The following PRRX1 variants were observed in gnomAD, a reference collection of about 807,000 sequenced individuals.
PRRX1 encodes the protein paired related homeobox 1, also known as paired mesoderm homeobox protein 1.
In PRRX1, 8 loss-of-function variants were observed where a neutral mutation model predicts 24.0. The observed-to-expected ratio is 0.33, with a 90% CI of 0.20 to 0.60. The LOEUF is 0.60. PRRX1 is among the 20% of genes least tolerant of loss of function. PRRX1 has a pLI of 0.82. For synonymous variants in PRRX1, 160 were observed against 131.7 expected (o/e 1.22, Z -1.47); for missense variants, 281 against 322.4 (o/e 0.87, Z 0.98).
intron 3 of PRRX1, chr1:170,728,089 T>A (rs1655313216): frequency 6.6e-6 from 1 of 152,210 alleles, no homozygotes; most frequent in Non-Finnish European, 1.5e-5. Context: ...CCCCTTTTTC[T>A]GTCTGGGTCC....
chr1:170,684,031 T>C (rs192178333), intron 1 of PRRX1, among the ~76,000 whole-genome samples: 1 of 152,330 alleles, frequency 6.6e-6, no homozygotes, highest in East Asian at 1.9e-4. Flanking sequence ...ATTAAAGAAG[T>C]GAATGGCATG....
intron 1 of PRRX1, among the ~76,000 whole-genome samples, chr1:170,666,534 A>T (rs536112396): frequency 6.6e-6 from 1 of 151,910 alleles, no homozygotes; most frequent in Non-Finnish European, 1.5e-5. Context: ...TAATTGCAAC[A>T]TTTACCACTG....
At chr1:170,694,799 T>A (rs1338529679) in intron 1 of PRRX1, among the ~76,000 whole-genome samples, 1 of 152,170 alleles carries the variant, frequency 6.6e-6, no homozygotes, top group Non-Finnish European at 1.5e-5. Flanking sequence ...ATCTAATGAG[T>A]AACAGCTGTG....
chr1:170,693,628 G>T (rs1290556955), intron 1 of PRRX1, among the ~76,000 whole-genome samples: 1 of 152,108 alleles, frequency 6.6e-6, no homozygotes, highest in Non-Finnish European at 1.5e-5. Flanking sequence ...TACTCAGCTA[G>T]ACTCTTAAAA....
intron 1 of PRRX1, among the ~76,000 whole-genome samples, chr1:170,707,688 C>T (rs952217731): frequency 6.6e-6 from 1 of 152,082 alleles, no homozygotes; most frequent in Non-Finnish European, 1.5e-5. Flanking sequence ...CCATTTTAAT[C>T]AAATAGATTA....
intron 1 of PRRX1, among the ~76,000 whole-genome samples, chr1:170,672,376 C>G (rs1417270893): frequency 7.9e-5 from 12 of 152,162 alleles, no homozygotes; most frequent in Non-Finnish European, 1.6e-4. Context: ...CCAAGATAAT[C>G]TGAGCTGGAG....
chr1:170,704,114 T>C (rs779584073), intron 1 of PRRX1, among the ~76,000 whole-genome samples: 7 of 152,236 alleles, frequency 4.6e-5, no homozygotes, highest in Non-Finnish European at 5.9e-5. Flanking sequence ...ATAACTTTGC[T>C]TAGTTTTGTT....
At chr1:170,678,939 A>C (rs944034901) in intron 1 of PRRX1, among the ~76,000 whole-genome samples, 9 of 152,214 alleles carry the variant, frequency 5.9e-5, no homozygotes, top group Non-Finnish European at 1.3e-4. Flanking sequence ...CCAGTGACTC[A>C]GAATCTCCAA....
At chr1:170,706,011 A>AT (rs1463468562) in intron 1 of PRRX1, among the ~76,000 whole-genome samples, 5 of 151,840 alleles carry the variant, frequency 3.3e-5, no homozygotes, top group Admixed American at 1.3e-4. Context: ...TAAATGTTAG[A>AT]TTTTTTAAAA....
chr1:170,705,304 C>T lies in PRRX1; in HGVS notation c.242-14422C>T, dbSNP rs142989109. On this transcript the variant is annotated intron_variant, in intron 1 of 3. Transcript: ENST00000239461. ...AGACATTATATATACATATTTTTGG[C>T]AGGTTCTCACTCTGTTGCCCAGGCT... Among the ~76,000 whole-genome samples, 176 of 152,228 alleles carry T rather than the reference C, an allele frequency of 1.2e-3. 1 individual carries two copies. The highest frequency in any genetic ancestry group is 4.0e-3 in the African/African-American group (168 of 41,532).
chr1:170,689,888 G>C (rs1653879298), intron 1 of PRRX1, among the ~76,000 whole-genome samples: 2 of 151,062 alleles, frequency 1.3e-5, no homozygotes, highest in African/African-American at 2.4e-5. Context: ...GGGTGTGTGT[G>C]TGTGCGTGTG....
intron 3 of PRRX1, chr1:170,730,182 C>A: frequency 9.5e-7 from 1 of 1,051,544 alleles, no homozygotes; most frequent in Non-Finnish European, 1.5e-6. Context: ...CCCTCCCCAT[C>A]CTTCTCCTCC....
intron 2 of PRRX1, among the ~76,000 whole-genome samples, chr1:170,725,584 G>A (rs556786323): frequency 7.2e-5 from 11 of 152,266 alleles, no homozygotes; most frequent in South Asian, 2.1e-4. Flanking sequence ...TGTGTTCTAC[G>A]TTAGTCTTAG....
intron 1 of PRRX1, among the ~76,000 whole-genome samples, chr1:170,686,443 C>A (rs776560704): frequency 2.0e-5 from 3 of 152,082 alleles, no homozygotes; most frequent in Non-Finnish European, 4.4e-5. Flanking sequence ...TAGTTTTCAG[C>A]AAGGTCAAAA....
chr1:170,693,912 G>A (rs185054927), intron 1 of PRRX1, among the ~76,000 whole-genome samples: 1 of 152,042 alleles, frequency 6.6e-6, no homozygotes, highest in East Asian at 1.9e-4. Context: ...AAAATGGTTG[G>A]GAGCAATAAT....
At chr1:170,721,721 G>A (rs985184243) in intron 2 of PRRX1, among the ~76,000 whole-genome samples, 2 of 152,090 alleles carry the variant, frequency 1.3e-5, no homozygotes, top group Non-Finnish European at 2.9e-5. Flanking sequence ...TCTCCCATTC[G>A]CCATCCAGTG....
chr1:170,681,808 G>A lies in PRRX1; in HGVS notation c.241+17349G>A, dbSNP rs148243554. 1.9e-3 allele frequency among the ~76,000 whole-genome samples: 287 copies of A among 152,216 alleles called. 1 individual carries two copies. The highest frequency in any genetic ancestry group is 3.4e-3 in the Non-Finnish European group (229 of 68,014). On this transcript the variant is annotated intron_variant, in intron 1 of 3. Transcript: ENST00000239461. The stretch of plus-strand genomic sequence containing the variant: ...TATGTAACAACCTTAACTCACAGGT[G>A]GAACCAAGCTCCTAATTTGCATCAC...
At chr1:170,669,953 T>G (rs892781596) in intron 1 of PRRX1, among the ~76,000 whole-genome samples, 1 of 152,206 alleles carries the variant, frequency 6.6e-6, no homozygotes, top group South Asian at 2.1e-4. Context: ...AGAAGTGTTT[T>G]GGGGGTCAGA....
intron 1 of PRRX1, among the ~76,000 whole-genome samples, chr1:170,665,311 A>G (rs533628374): frequency 2.0e-5 from 3 of 152,152 alleles, no homozygotes; most frequent in East Asian, 1.9e-4. Flanking sequence ...CCCCATCCTC[A>G]CCGACCAACC....
Sources: gnomAD v4.1 joint callset for allele counts (sites outside exome capture counted in the v4.1 genomes callset) on GRCh38, gnomAD v4.1.1 for gene constraint, MANE v1.5 for transcripts, NCBI Gene and HGNC (gene_info 2026-07-23, HGNC 2026-07-21) for gene names.